Variants in KLF8 observed in about 807,000 individuals in gnomAD.
The protein encoded by KLF8 is KLF transcription factor 8.
KLF8 carries 10 observed loss-of-function variants against 18.2 expected under a neutral mutation model. The ratio of observed to expected loss-of-function variants is 0.55; its 90% confidence interval spans 0.34 to 0.93. KLF8 has a LOEUF of 0.93. KLF8 is among the 40% of genes least tolerant of loss of function. The pLI, the probability that KLF8 is intolerant of heterozygous loss-of-function variation, is 0.02. For missense variants in KLF8, 264 were observed against 277.9 expected, an observed-to-expected ratio of 0.95 and a Z score of 0.36; for synonymous variants, 109 against 97.3, an observed-to-expected ratio of 1.12 and a Z score of -0.71.
chrX:56,056,986 G>A, the KLF8 span, among the ~76,000 whole-genome samples: 2 of 111,880 alleles, frequency 1.8e-5, no homozygotes, highest in East Asian at 2.8e-4. Flanking sequence ...GCCAGCAACA[G>A]CAGCAGTCTG....
the KLF8 span, among the ~76,000 whole-genome samples, chrX:56,085,504 A>G: frequency 1.3e-3 from 145 of 107,635 alleles, 1 homozygote; most frequent in African/African-American, 5.3e-3. Context: ...CTTTTGTTCT[A>G]TTCAGGCTCT....
At chrX:55,932,032 G>C in the KLF8 span, among the ~76,000 whole-genome samples, 2 of 110,278 alleles carry the variant, frequency 1.8e-5, no homozygotes, top group Non-Finnish European at 3.8e-5. Flanking sequence ...AAGAACTTGC[G>C]TTATGAATCT....
chrX:56,039,922 C>T, the KLF8 span, among the ~76,000 whole-genome samples: 1 of 111,309 alleles, frequency 9.0e-6, no homozygotes. Context: ...TTTTAGTTCT[C>T]CTTGAAGAGG....
At chrX:56,191,760 T>C in the KLF8 span, among the ~76,000 whole-genome samples, 2 of 111,455 alleles carry the variant, frequency 1.8e-5, no homozygotes, top group African/African-American at 3.3e-5. Flanking sequence ...AAAAATGCAT[T>C]TAATAAAAAT....
At chrX:56,112,216 A>G in the KLF8 span, among the ~76,000 whole-genome samples, 1 of 111,708 alleles carries the variant, frequency 9.0e-6, no homozygotes, top group African/African-American at 3.3e-5. Flanking sequence ...ATCATTCTCA[A>G]CAAGCTAACA....
chrX:55,931,495 C>T, the KLF8 span, among the ~76,000 whole-genome samples: 2 of 111,901 alleles, frequency 1.8e-5, no homozygotes, highest in African/African-American at 6.5e-5. Flanking sequence ...CCTGCTTTCT[C>T]CTGTGGGCAT....
the KLF8 span, among the ~76,000 whole-genome samples, chrX:56,175,720 C>T: frequency 5.4e-5 from 6 of 110,827 alleles, no homozygotes; most frequent in Non-Finnish European, 9.4e-5. Context: ...CCATTATTAT[C>T]GCGTGGGAGT....
the KLF8 span, among the ~76,000 whole-genome samples, chrX:56,189,384 G>A: frequency 3.6e-5 from 4 of 111,599 alleles, no homozygotes; most frequent in African/African-American, 1.3e-4. Context: ...GTGCTGGAGA[G>A]GATGTGGAGA....
chrX:55,923,015 A>T, the KLF8 span, among the ~76,000 whole-genome samples: 1 of 111,617 alleles, frequency 9.0e-6, no homozygotes, highest in East Asian at 2.8e-4. Flanking sequence ...TTTTATAAAG[A>T]TATATGTATG....
At chrX:56,148,333 T>C in the KLF8 span, among the ~76,000 whole-genome samples, 1 of 111,517 alleles carries the variant, frequency 9.0e-6, no homozygotes, top group East Asian at 2.8e-4. Context: ...TCATAAAAAT[T>C]ACAGAACTCA....
the KLF8 span, among the ~76,000 whole-genome samples, chrX:56,077,110 A>T: frequency 0.21 from 23,111 of 110,825 alleles, 4,913 homozygotes; most frequent in African/African-American, 0.66. Context: ...ACTCTGATGG[A>T]AGTTTCTTTG....
chrX:56,123,061 G>C, the KLF8 span, among the ~76,000 whole-genome samples: 1 of 110,526 alleles, frequency 9.0e-6, no homozygotes, highest in Non-Finnish European at 1.9e-5. Flanking sequence ...GAAGTCAACG[G>C]AGTTGGATAT....
chrX:56,005,539 T>C, the KLF8 span, among the ~76,000 whole-genome samples: 1 of 110,623 alleles, frequency 9.0e-6, no homozygotes, highest in Admixed American at 9.6e-5. Context: ...GGGGGTGGGG[T>C]GGGGTTTTCA....
intron 5 of KLF8, among the ~76,000 whole-genome samples, chrX:56,275,237 AG>A (rs1191460157): frequency 9.0e-6 from 1 of 111,027 alleles, no homozygotes; most frequent in Non-Finnish European, 1.9e-5. Context: ...GTTAATTCCT[AG>A]GTATTTCATT....
chrX:56,045,470 T>C, the KLF8 span, among the ~76,000 whole-genome samples: 1 of 112,106 alleles, frequency 8.9e-6, no homozygotes, highest in African/African-American at 3.2e-5. Flanking sequence ...TTGCATTGAA[T>C]TTGTAGATTG....
At chrX:55,908,432 GGGT>G in the KLF8 span, 30 of 295,184 alleles carry the variant, frequency 1.0e-4, no homozygotes, top group Non-Finnish European at 1.8e-5. Flanking sequence ...TGGAGCCGCT[GGGT>G]GGGGTCGAGA....
the KLF8 span, among the ~76,000 whole-genome samples, chrX:55,950,891 G>A: frequency 8.9e-6 from 1 of 111,792 alleles, no homozygotes; most frequent in South Asian, 3.8e-4. Context: ...TACTTACTGA[G>A]CTGAATTAAA....
the KLF8 span, among the ~76,000 whole-genome samples, chrX:56,064,162 T>TAG: frequency 9.3e-6 from 1 of 107,963 alleles, no homozygotes; most frequent in African/African-American, 3.4e-5. Context: ...TGTGTGTATA[T>TAG]ATATATATAT....
chrX:56,126,467 TG>T, the KLF8 span, among the ~76,000 whole-genome samples: 2 of 111,893 alleles, frequency 1.8e-5, no homozygotes, highest in Non-Finnish European at 3.8e-5. Flanking sequence ...AGAGTGATTT[TG>T]TTTTAACCTA....
Sources: allele counts gnomAD v4.1 joint callset (sites outside exome capture counted in the v4.1 genomes callset), GRCh38; gene constraint gnomAD v4.1.1; transcripts MANE v1.5; gene names NCBI Gene and HGNC (gene_info 2026-07-23, HGNC 2026-07-21).